KCNQ5: variants seen among roughly 807,000 people sequenced by gnomAD.
The protein encoded by KCNQ5 is potassium voltage-gated channel subfamily KQT member 5.
KCNQ5 carries 30 observed loss-of-function variants against 98.2 expected under a neutral mutation model. The ratio of observed to expected loss-of-function variants is 0.31; its 90% CI spans 0.23 to 0.41. The LOEUF (loss-of-function observed/expected upper bound fraction) is 0.41, where lower values mean the gene tolerates loss of function less well. Among genes scored for constraint, KCNQ5 ranks in the 10% least tolerant of loss-of-function variants. The pLI, the probability that KCNQ5 is intolerant of heterozygous loss-of-function variation, is 1.00. For missense variants in KCNQ5, 835 were observed against 1,182.5 expected (o/e 0.71, Z 4.31); for synonymous variants, 458 against 449.4 (o/e 1.02, Z -0.24).
intron 1 of KCNQ5, among the ~76,000 whole-genome samples, chr6:72,741,675 G>A (rs889036887): frequency 6.6e-6 from 1 of 152,096 alleles, no homozygotes; most frequent in Non-Finnish European, 1.5e-5. Context: ...TTGTGGCCTT[G>A]ATATACTATA....
At position 73,149,807 on chromosome 6, in the gene KCNQ5, A is replaced by AGG. The variant is rs1562207365; in HGVS notation, c.1468+16167_1468+16168insGG. On this transcript the variant is annotated intron_variant, in intron 10 of 13. Coordinates refer to ENST00000370398, the MANE Select transcript of KCNQ5 (RefSeq NM_019842.4). ...GGGAGACTCCGAAAAAAAAAAAAAA[A>AGG]GAGAGAGAGAGAGAGAGAGGGAGGG... 2.3e-4 allele frequency among the ~76,000 whole-genome samples: 33 copies of AGG among 141,942 alleles called. 1 individual carries two copies. The East Asian group carries it at 6.7e-3, about 29-fold the overall frequency. The allele number at this position is 141,942 out of a possible 152,430, so 93.1% of individuals were successfully genotyped here.
chr6:72,816,919 A>G (rs774628772), intron 1 of KCNQ5, among the ~76,000 whole-genome samples: 7 of 152,218 alleles, frequency 4.6e-5, no homozygotes, highest in Non-Finnish European at 1.0e-4. Context: ...AGTAGGGAGA[A>G]ACAGTCCTCC....
At chr6:72,981,527 A>C (rs981033387) in intron 1 of KCNQ5, among the ~76,000 whole-genome samples, 50 of 151,430 alleles carry the variant, frequency 3.3e-4, no homozygotes, top group African/African-American at 1.2e-3. Context: ...TTTTTATTGC[A>C]TCTATTTGAT....
At position 72,939,954 on chromosome 6, in the gene KCNQ5, G is replaced by A. The variant is rs148735068; in HGVS notation, c.399-63954G>A. Among the ~76,000 whole-genome samples the A allele has an allele frequency of 5.3e-3, 805 of 152,268 alleles. 10 individuals are homozygous for A. The highest frequency in any genetic ancestry group is 7.3e-3 in the Non-Finnish European group (497 of 68,010). ...TTTTCTCTGTTTTGTAACTAAATGTGAAGGCAGCACATAAAAAACGTTTAT... is the reference window on the plus strand; with the variant it reads ...TTTTCTCTGTTTTGTAACTAAATGTAAAGGCAGCACATAAAAAACGTTTAT... On this transcript the variant is annotated intron_variant, in intron 1 of 13. Transcript: ENST00000370398.
intron 1 of KCNQ5, among the ~76,000 whole-genome samples, chr6:72,954,390 T>A (rs1766946212): frequency 6.6e-6 from 1 of 152,192 alleles, no homozygotes; most frequent in African/African-American, 2.4e-5. Context: ...CAAAAAATAC[T>A]GCAGGAAAGC....
intron 1 of KCNQ5, among the ~76,000 whole-genome samples, chr6:72,643,941 T>C (rs1765458359): frequency 1.3e-5 from 2 of 152,066 alleles, no homozygotes; most frequent in Non-Finnish European, 2.9e-5. Context: ...ATGGCAAAAC[T>C]GTCCAAGGGA....
At chr6:72,723,805 A>G (rs910487016) in intron 1 of KCNQ5, among the ~76,000 whole-genome samples, 3 of 152,202 alleles carry the variant, frequency 2.0e-5, no homozygotes, top group African/African-American at 7.2e-5. Flanking sequence ...CTATGATTCA[A>G]TACATTGCCA....
chr6:72,778,651 A>G (rs1423910529), intron 1 of KCNQ5, among the ~76,000 whole-genome samples: 3 of 152,246 alleles, frequency 2.0e-5, no homozygotes, highest in Non-Finnish European at 4.4e-5. Flanking sequence ...TATGTTAATT[A>G]GCTTGATTGT....
chr6:73,144,314 T>C (rs1776835289), intron 10 of KCNQ5, among the ~76,000 whole-genome samples: 1 of 152,180 alleles, frequency 6.6e-6, no homozygotes, highest in Admixed American at 6.5e-5. Flanking sequence ...TCTTTTGCCA[T>C]GTATAATGCA....
intron 1 of KCNQ5, among the ~76,000 whole-genome samples, chr6:72,869,303 C>T (rs1331312947): frequency 6.6e-6 from 1 of 152,126 alleles, no homozygotes; most frequent in South Asian, 2.1e-4. Flanking sequence ...CTATCCCGGA[C>T]ATGTGGGGAT....
At chr6:72,831,838 A>G (rs1776287711) in intron 1 of KCNQ5, among the ~76,000 whole-genome samples, 1 of 152,090 alleles carries the variant, frequency 6.6e-6, no homozygotes, top group Admixed American at 6.6e-5. Context: ...AGAGAACATT[A>G]GAGTGGGGCT....
intron 5 of KCNQ5, among the ~76,000 whole-genome samples, chr6:73,082,257 G>A (rs1483098829): frequency 6.6e-6 from 1 of 152,204 alleles, no homozygotes. Context: ...TTTAAGAACT[G>A]TGGCAAGAAA....
At chr6:73,075,345 T>TC (rs1232702646) in intron 3 of KCNQ5, among the ~76,000 whole-genome samples, 2 of 151,770 alleles carry the variant, frequency 1.3e-5, no homozygotes, top group Non-Finnish European at 2.9e-5. Flanking sequence ...GCCTCAGCCT[T>TC]CCAAGTAGCT....
chr6:72,958,583 G>T (rs1236130281), intron 1 of KCNQ5, among the ~76,000 whole-genome samples: 1 of 152,078 alleles, frequency 6.6e-6, no homozygotes, highest in Non-Finnish European at 1.5e-5. Flanking sequence ...ATGGTTATGG[G>T]ATTTAGATTA....
At chr6:73,131,344 T>C (rs1023806536) in intron 9 of KCNQ5, among the ~76,000 whole-genome samples, 3 of 152,074 alleles carry the variant, frequency 2.0e-5, no homozygotes, top group African/African-American at 7.2e-5. Flanking sequence ...ATCTTGAAAG[T>C]TGGAGAAAAT....
At chr6:73,041,539 A>G (rs570164860) in intron 2 of KCNQ5, among the ~76,000 whole-genome samples, 1 of 152,252 alleles carries the variant, frequency 6.6e-6, no homozygotes, top group East Asian at 1.9e-4. Context: ...ATGAAGCTCT[A>G]TTTTCTGTAA....
intron 7 of KCNQ5, among the ~76,000 whole-genome samples, chr6:73,119,190 G>T (rs1582391972): frequency 6.6e-6 from 1 of 152,330 alleles, no homozygotes; most frequent in Admixed American, 6.5e-5. Flanking sequence ...ATATGGGAAA[G>T]TAAGGTCGGG....
At chr6:72,625,182 T>C (rs1162102398) in intron 1 of KCNQ5, among the ~76,000 whole-genome samples, 2 of 152,214 alleles carry the variant, frequency 1.3e-5, no homozygotes, top group African/African-American at 4.8e-5. Context: ...TTGAGGTAAA[T>C]ATAAATTTCT....
At chr6:72,798,121 C>T (rs1017925592) in intron 1 of KCNQ5, among the ~76,000 whole-genome samples, 7 of 152,228 alleles carry the variant, frequency 4.6e-5, no homozygotes, top group Non-Finnish European at 8.8e-5. Context: ...AAAAACAGAA[C>T]ACAGTCACTA....
Sources: allele counts gnomAD v4.1 joint callset (sites outside exome capture counted in the v4.1 genomes callset), GRCh38; gene constraint gnomAD v4.1.1; transcripts MANE v1.5; gene names NCBI Gene and HGNC (gene_info 2026-07-23, HGNC 2026-07-21).